Variants in STXBP5L observed in about 807,000 individuals in gnomAD.
STXBP5L encodes the protein syntaxin binding protein 5L, also known as syntaxin-binding protein 5-like.
A neutral mutation model predicts 144.5 loss-of-function variants in STXBP5L; 65 were observed. The ratio of observed to expected loss-of-function variants is 0.45; its 90% CI spans 0.37 to 0.55. STXBP5L has a LOEUF of 0.55. Among genes scored for constraint, STXBP5L ranks in the 20% least tolerant of loss-of-function variants. The pLI is 0.00. For missense variants in STXBP5L, 1,298 were observed against 1,405.5 expected (o/e 0.92, Z 1.22); for synonymous variants, 505 against 469.6 (o/e 1.08, Z -0.97).
At chr3:120,954,829 T>C in intron 2 of STXBP5L, 111 bp from the exon 3 acceptor site, 1 of 756,262 alleles carries the variant, frequency 1.3e-6, no homozygotes, top group Non-Finnish European at 2.0e-6. Context: ...GTGGTAGCTT[T>C]TTTTTTTCCT....
chr3:121,265,827 G>C (rs1449531816), intron 18 of STXBP5L, among the ~76,000 whole-genome samples: 1 of 152,052 alleles, frequency 6.6e-6, no homozygotes, highest in Non-Finnish European at 1.5e-5. Context: ...GCTACCATCA[G>C]AGAATACTAT....
intron 10 of STXBP5L, among the ~76,000 whole-genome samples, chr3:121,222,541 G>T (rs1314948254): frequency 1.3e-5 from 2 of 152,000 alleles, no homozygotes; most frequent in Non-Finnish European, 2.9e-5. Context: ...CTGCCATTCT[G>T]AGCTTTCCAC....
chr3:121,223,495 A>G (rs1430380623), intron 11 of STXBP5L, among the ~76,000 whole-genome samples: 2 of 152,174 alleles, frequency 1.3e-5, no homozygotes, highest in Non-Finnish European at 1.5e-5. Context: ...CAGCTCCATC[A>G]ATTCCATCCC....
chr3:120,952,026 A>G (rs1711275056), intron 2 of STXBP5L, among the ~76,000 whole-genome samples: 4 of 151,644 alleles, frequency 2.6e-5, no homozygotes, highest in Admixed American at 2.0e-4. Context: ...GAAACTGGAA[A>G]TCATCATTCT....
intron 3 of STXBP5L, among the ~76,000 whole-genome samples, chr3:120,991,961 T>TA (rs924732067): frequency 1.7e-4 from 26 of 152,166 alleles, no homozygotes; most frequent in South Asian, 6.2e-4. Flanking sequence ...TAAAGTATAA[T>TA]AAAAAAAATC....
intron 2 of STXBP5L, among the ~76,000 whole-genome samples, chr3:120,928,367 A>C (rs1709748164): frequency 6.6e-6 from 1 of 151,978 alleles, no homozygotes; most frequent in South Asian, 2.1e-4. Context: ...GGTTCAAGCA[A>C]TTCTCCTGCC....
At chr3:121,018,085 A>G (rs947306136) in intron 3 of STXBP5L, among the ~76,000 whole-genome samples, 1 of 149,076 alleles carries the variant, frequency 6.7e-6, no homozygotes, top group Admixed American at 7.0e-5. Context: ...TTTCAAATGA[A>G]TGAATGAATG....
At chr3:121,196,410 A>T (rs905185225) in intron 9 of STXBP5L, among the ~76,000 whole-genome samples, 3 of 152,058 alleles carry the variant, frequency 2.0e-5, no homozygotes, top group African/African-American at 4.8e-5. Flanking sequence ...AAGTACTGGG[A>T]TTACAGGCAT....
chr3:121,160,440 GAAAC>G (rs371189680), intron 9 of STXBP5L, among the ~76,000 whole-genome samples: 6 of 152,178 alleles, frequency 3.9e-5, no homozygotes, highest in Admixed American at 6.5e-5. Flanking sequence ...CAAATAAAAA[GAAAC>G]AATACAGTAT....
intron 11 of STXBP5L, among the ~76,000 whole-genome samples, chr3:121,231,182 G>T (rs1461199283): frequency 1.3e-5 from 2 of 152,076 alleles, no homozygotes; most frequent in Non-Finnish European, 2.9e-5. Context: ...GCCAGCAGTG[G>T]GGTCCCTAAG....
At chr3:121,025,529 A>G (rs917442061) in intron 3 of STXBP5L, among the ~76,000 whole-genome samples, 1 of 152,072 alleles carries the variant, frequency 6.6e-6, no homozygotes, top group African/African-American at 2.4e-5. Flanking sequence ...TTTAAATTGT[A>G]CAGACTTTCC....
At chr3:120,931,191 A>G (rs1194384472) in intron 2 of STXBP5L, among the ~76,000 whole-genome samples, 1 of 152,126 alleles carries the variant, frequency 6.6e-6, no homozygotes, top group African/African-American at 2.4e-5. Flanking sequence ...GACAAAGTTC[A>G]AAGAAACACG....
intron 3 of STXBP5L, among the ~76,000 whole-genome samples, chr3:120,997,736 C>T (rs905094058): frequency 6.6e-6 from 1 of 152,128 alleles, no homozygotes; most frequent in Non-Finnish European, 1.5e-5. Context: ...TGTCTGTTTA[C>T]TCTGTTGATA....
intron 11 of STXBP5L, among the ~76,000 whole-genome samples, chr3:121,230,546 A>G (rs1444488208): frequency 6.6e-6 from 1 of 152,016 alleles, no homozygotes; most frequent in East Asian, 1.9e-4. Flanking sequence ...CATCAAATCA[A>G]CAATCTTAGA....
chr3:121,072,468 A>G (rs763386957), intron 5 of STXBP5L, among the ~76,000 whole-genome samples: 3 of 152,162 alleles, frequency 2.0e-5, no homozygotes, highest in Non-Finnish European at 4.4e-5. Flanking sequence ...TTTTTCCCAT[A>G]TGCTTTCCTT....
At chr3:120,991,944 TA>T (rs781468264) in intron 3 of STXBP5L, among the ~76,000 whole-genome samples, 26 of 152,170 alleles carry the variant, frequency 1.7e-4, no homozygotes, top group Non-Finnish European at 2.9e-5. Context: ...AGATGTACCC[TA>T]AAACTTAAAG....
intron 22 of STXBP5L, among the ~76,000 whole-genome samples, chr3:121,394,538 G>T (rs574068999): frequency 6.6e-6 from 1 of 150,878 alleles, no homozygotes; most frequent in African/African-American, 2.4e-5. Context: ...TGTTGGCTAT[G>T]AGTTTGTCAT....
chr3:121,325,337 T>C (rs999366990), intron 20 of STXBP5L, among the ~76,000 whole-genome samples: 11 of 152,082 alleles, frequency 7.2e-5, no homozygotes, highest in Non-Finnish European at 2.9e-5. Context: ...TTCTCTTATG[T>C]AATACAACAC....
chr3:121,187,626 G>T (rs377449294), intron 9 of STXBP5L, among the ~76,000 whole-genome samples: 28 of 150,744 alleles, frequency 1.9e-4, no homozygotes, highest in African/African-American at 4.9e-4. Context: ...AAAATAAACT[G>T]CATCAACTAA....
Sources: allele counts gnomAD v4.1 joint callset (sites outside exome capture counted in the v4.1 genomes callset), GRCh38; gene constraint gnomAD v4.1.1; transcripts MANE v1.5; gene names NCBI Gene and HGNC (gene_info 2026-07-23, HGNC 2026-07-21).